The following DAB1 variants were observed in gnomAD, a reference collection of about 807,000 sequenced individuals.
DAB1 encodes DAB adaptor protein 1.
DAB1 carries 15 observed loss-of-function variants against 64.6 expected under a neutral mutation model. That is an observed-to-expected ratio of 0.23 (90% CI 0.16 to 0.36). The LOEUF (loss-of-function observed/expected upper bound fraction) is 0.36, where lower values mean the gene tolerates loss of function less well. Among genes scored for constraint, DAB1 ranks in the 10% least tolerant of loss-of-function variants. The pLI is 1.00. For missense variants in DAB1, 596 were observed against 706.7 expected, an observed-to-expected ratio of 0.84 and a Z score of 1.78; for synonymous variants, 235 against 251.9, an observed-to-expected ratio of 0.93 and a Z score of 0.64.
chr1:57,883,850 G>A (rs1050809755), intron 1 of DAB1: 1 of 152,130 alleles, frequency 6.6e-6, no homozygotes, highest in Non-Finnish European at 1.5e-5. Flanking sequence ...ATGAACCTTG[G>A]GTTATTAACT....
chr1:57,520,680 T>C (rs554256947), intron 7 of DAB1, among the ~76,000 whole-genome samples: 7 of 152,254 alleles, frequency 4.6e-5, no homozygotes, highest in East Asian at 3.9e-4. Flanking sequence ...TTTTTGTATA[T>C]ATTCAGGAAA....
At chr1:57,596,701 A>G (rs567864346) in intron 7 of DAB1, among the ~76,000 whole-genome samples, 2 of 152,226 alleles carry the variant, frequency 1.3e-5, no homozygotes, top group South Asian at 4.2e-4. Flanking sequence ...CAACAATATT[A>G]TTATGTTTCA....
chr1:58,346,937 T>C (rs562677484), intron 3 of DAB1, among the ~76,000 whole-genome samples: 1 of 152,316 alleles, frequency 6.6e-6, no homozygotes, highest in South Asian at 2.1e-4. Context: ...CACCATCTAT[T>C]AGCTGTTTGA....
rs780858168 is a variant in DAB1 at position 58,296,174 on chromosome 1, AAAG to A, written n.309+47175_309+47177del. On this transcript the variant is annotated intron_variant and non_coding_transcript_variant, in intron 4 of 20. Transcript: ENST00000485760. ...AAGAAAAAAGAAAGAAAGAAAGAAA[AAAG>A]AAAGAAAGAGAAAGAAAGAGAAAGA... is the stretch of plus-strand genomic sequence containing the variant. Among the ~76,000 whole-genome samples the A allele has an allele frequency of 5.1e-3, 623 of 123,118 alleles. 17 individuals carry two copies. Among genetic ancestry groups the A allele is most frequent in the African/African-American group, 0.017 (588 of 34,754 alleles). The allele number at this position is 123,118 out of a possible 152,430, so 80.8% of individuals were successfully genotyped here.
intron 3 of DAB1, among the ~76,000 whole-genome samples, chr1:58,431,526 C>T (rs1173543265): frequency 1.4e-5 from 2 of 142,064 alleles, no homozygotes; most frequent in African/African-American, 5.3e-5. Context: ...CCACTGCACT[C>T]CAGCCTGGGC....
intron 4 of DAB1, among the ~76,000 whole-genome samples, chr1:57,077,085 C>T (rs1055496657): frequency 1.3e-5 from 2 of 152,180 alleles, no homozygotes; most frequent in East Asian, 1.9e-4. Context: ...CAGGAATGGG[C>T]GAAGGGCATC....
At chr1:57,731,753 C>T (rs1417565271) in intron 6 of DAB1, among the ~76,000 whole-genome samples, 3 of 151,216 alleles carry the variant, frequency 2.0e-5, no homozygotes, top group African/African-American at 4.9e-5. Flanking sequence ...TGCAGTAAGC[C>T]GAGATCACAT....
chr1:57,173,665 T>C (rs182513056), intron 2 of DAB1, among the ~76,000 whole-genome samples: 29 of 152,330 alleles, frequency 1.9e-4, no homozygotes, highest in Admixed American at 1.9e-3. Flanking sequence ...GAAACAAAAA[T>C]GGTCTTTCTC....
At chr1:58,507,684 A>G (rs576748455) in intron 2 of DAB1, among the ~76,000 whole-genome samples, 1 of 152,086 alleles carries the variant, frequency 6.6e-6, no homozygotes, top group Non-Finnish European at 1.5e-5. Flanking sequence ...TATATGCAAG[A>G]TGTGTGTGTG....
At chr1:58,516,194 A>T (rs956232917) in intron 2 of DAB1, among the ~76,000 whole-genome samples, 3 of 152,200 alleles carry the variant, frequency 2.0e-5, no homozygotes, top group Non-Finnish European at 4.4e-5. Context: ...ACAATCAAAA[A>T]CAATCATACA....
At chr1:57,112,665 C>T (rs952637375) in intron 4 of DAB1, among the ~76,000 whole-genome samples, 4 of 151,940 alleles carry the variant, frequency 2.6e-5, no homozygotes, top group African/African-American at 9.7e-5. Flanking sequence ...CAGCTATACA[C>T]CAAATGTTTT....
chr1:57,795,722 T>G (rs1242172162), intron 6 of DAB1, among the ~76,000 whole-genome samples: 1 of 132,688 alleles, frequency 7.5e-6, no homozygotes, highest in Non-Finnish European at 1.6e-5. Context: ...TATATATATA[T>G]ATATATATAT....
At chr1:57,636,735 A>T (rs1273543554) in intron 7 of DAB1, among the ~76,000 whole-genome samples, 1 of 152,168 alleles carries the variant, frequency 6.6e-6, no homozygotes, top group African/African-American at 2.4e-5. Context: ...GCCATTCACT[A>T]AGATGGAAAA....
chr1:58,418,035 G>T (rs1644738316), intron 3 of DAB1, among the ~76,000 whole-genome samples: 1 of 151,956 alleles, frequency 6.6e-6, no homozygotes. Context: ...CTCAGTTCTG[G>T]CTGACTGAGC....
chr1:57,956,443 GA>G (rs944416869), intron 5 of DAB1, among the ~76,000 whole-genome samples: 6 of 152,168 alleles, frequency 3.9e-5, no homozygotes, highest in African/African-American at 1.4e-4. Context: ...GGAATTCAGG[GA>G]AAAAAATAGC....
chr1:57,687,169 T>C (rs12740941), intron 6 of DAB1, among the ~76,000 whole-genome samples: 3,165 of 152,306 alleles, frequency 0.021, 49 homozygotes, highest in Middle Eastern at 0.051. Flanking sequence ...AAAAGGCTAC[T>C]AGAACTGATA....
At position 57,043,456 on chromosome 1, in the gene DAB1, C is replaced by T. The variant is rs149885412; in HGVS notation, c.724-17413G>A. On this transcript the variant is annotated intron_variant, in intron 9 of 14. Transcript: ENST00000371236. ...ATCCCAAAGCTGTCTGCCTCTCTCC[C>T]TCTTCTCTGTGGCATTCTCTTTTGC... 3.4e-3 allele frequency among the ~76,000 whole-genome samples: 517 copies of T among 152,342 alleles called. 3 individuals are homozygous for T. Among genetic ancestry groups the T allele is most frequent in the Non-Finnish European group, 5.7e-3 (386 of 68,022 alleles).
chr1:57,862,311 T>A (rs1383973919), intron 1 of DAB1: 1 of 152,236 alleles, frequency 6.6e-6, no homozygotes, highest in Non-Finnish European at 1.5e-5. Flanking sequence ...CAATATTATC[T>A]TGATTTTGCA....
chr1:58,519,197 T>C (rs945041389), intron 2 of DAB1, among the ~76,000 whole-genome samples: 2 of 152,232 alleles, frequency 1.3e-5, no homozygotes, highest in African/African-American at 4.8e-5. Context: ...TACTCCCTTT[T>C]CCACTGCCAA....
Sources: gnomAD v4.1 joint callset for allele counts (sites outside exome capture counted in the v4.1 genomes callset) on GRCh38, gnomAD v4.1.1 for gene constraint, MANE v1.5 for transcripts, NCBI Gene and HGNC (gene_info 2026-07-23, HGNC 2026-07-21) for gene names.